SLFN12: variants seen among roughly 807,000 people sequenced by gnomAD.
The protein encoded by SLFN12 is ribonuclease SLFN12.
SLFN12 carries 25 observed loss-of-function variants against 29.1 expected under a neutral mutation model. The observed-to-expected ratio is 0.86, with a 90% CI of 0.63 to 1.20. The LOEUF (loss-of-function observed/expected upper bound fraction) is 1.20, where lower values mean the gene tolerates loss of function less well. SLFN12 is among the 50% of genes most tolerant of loss of function. The probability of loss-of-function intolerance (pLI) is 0.00; values close to 1 mark genes in which losing one functional copy is unlikely to be tolerated. For synonymous variants in SLFN12, 257 were observed against 238.7 expected (o/e 1.08, Z -0.71); for missense variants, 660 against 666.2 (o/e 0.99, Z 0.10).
At position 35,422,123 on chromosome 17, in the gene SLFN12, G is replaced by C. The variant is rs1911695452; in HGVS notation, c.906C>G (p.Val302=). ...AGAAGCGCTCCACTCTGAGTGCACA[G>C]ACATATCCACAAAGACTTCCTTTAT... The part of the protein sequence containing the change: ...VYDKGSLCGY[V]CALRVERFCC... The change falls in exon 2 of 4, where the codon GTC becomes GTG. Residue 302 remains valine (V), a synonymous_variant. Transcript: ENST00000304905. 1.2e-6 allele frequency: 2 copies of C among 1,613,974 alleles called. No homozygotes were observed. The highest frequency in any genetic ancestry group is 1.7e-6 in the Non-Finnish European group (2 of 1,180,020).
At position 35,413,626 on chromosome 17, in the gene SLFN12, G is replaced by A. The variant is rs561721569; in HGVS notation, c.1148-1699C>T. ...TAGCCAGAAATGGTGGCAGGCACCT[G>A]TAATCCCAGCTACTCGGGAGGCTGA... On this transcript the variant is annotated intron_variant, in intron 3 of 3. Coordinates refer to ENST00000304905, the MANE Select transcript of SLFN12 (RefSeq NM_018042.5). 3.0e-4 allele frequency among the ~76,000 whole-genome samples: 45 copies of A among 151,904 alleles called. 2 individuals carry two copies. In the South Asian group the frequency reaches 8.7e-3, roughly 29 times the overall value.
At chr17:35,412,190 T>C (rs1357990626) in intron 3 of SLFN12, among the ~76,000 whole-genome samples, 3 of 152,086 alleles carry the variant, frequency 2.0e-5, no homozygotes, top group Non-Finnish European at 4.4e-5. Context: ...TTCTATATCA[T>C]GGCATGGGTA....
At chr17:35,413,954 T>C (rs1325396255) in intron 3 of SLFN12, among the ~76,000 whole-genome samples, 1 of 151,910 alleles carries the variant, frequency 6.6e-6, no homozygotes, top group African/African-American at 2.4e-5. Context: ...AAAAAACCTC[T>C]TAACCAACTA....
At chr17:35,418,181 T>C (rs1359467280) in intron 3 of SLFN12, among the ~76,000 whole-genome samples, 1 of 151,464 alleles carries the variant, frequency 6.6e-6, no homozygotes, top group African/African-American at 2.4e-5. Context: ...GGGCTTACCC[T>C]ACCAGATATC....
In SLFN12 at chr17:35,424,667, A is replaced by G. The variant is rs570397411; in HGVS notation, c.-40-1599T>C. 3.3e-5 allele frequency among the ~76,000 whole-genome samples: 5 copies of G among 152,270 alleles called. No individual in the cohort carries two copies. The South Asian group carries it at 1.0e-3, about 32-fold the overall frequency. ...ACCAATATCATGCAGATACTCAGCT[A>G]AGGTTGTGGATACCACCTGTGTCCA... On this transcript the variant is annotated intron_variant, in intron 1 of 3. Coordinates refer to ENST00000304905, the MANE Select transcript of SLFN12 (RefSeq NM_018042.5).
chr17:35,426,958 A>G (rs1912053120), intron 1 of SLFN12, among the ~76,000 whole-genome samples: 1 of 152,064 alleles, frequency 6.6e-6, no homozygotes, highest in Non-Finnish European at 1.5e-5. Context: ...TCTCTTGCCT[A>G]AGACATCTGG....
intron 3 of SLFN12, among the ~76,000 whole-genome samples, chr17:35,413,642 G>A (rs1169610378): frequency 2.0e-5 from 3 of 151,648 alleles, no homozygotes; most frequent in East Asian, 3.9e-4. Context: ...CCAGCTACTC[G>A]GGAGGCTGAA....
intron 1 of SLFN12, chr17:35,430,436 C>G (rs1285099937): frequency 2.0e-5 from 3 of 152,052 alleles, no homozygotes; most frequent in Admixed American, 6.5e-5. Context: ...GAGAATGTAA[C>G]CAAAACGTAA....
At chr17:35,428,446 A>G (rs181383091) in intron 1 of SLFN12, among the ~76,000 whole-genome samples, 3 of 152,204 alleles carry the variant, frequency 2.0e-5, no homozygotes, top group Admixed American at 1.3e-4. Context: ...AGTGGGGATT[A>G]CAGAACTTTT....
chr17:35,427,823 T>C (rs190504016), intron 1 of SLFN12, among the ~76,000 whole-genome samples: 1 of 152,266 alleles, frequency 6.6e-6, no homozygotes, highest in East Asian at 1.9e-4. Flanking sequence ...ATTTCAATGT[T>C]TGGGTATGCT....
At chr17:35,420,573 C>T in intron 2 of SLFN12, 192 bp from the exon 3 acceptor site, 2 of 412,242 alleles carry the variant, frequency 4.9e-6, no homozygotes. Context: ...CACTGACACA[C>T]TATATTTCAA....
chr17:35,432,046 A>G (rs1912349134), intron 1 of SLFN12, 142 bp downstream of exon 1: 1 of 152,274 alleles, frequency 6.6e-6, no homozygotes, highest in Non-Finnish European at 1.5e-5. Context: ...CCCCGGCCAG[A>G]AACCTGCAGT....
At chr17:35,427,677 A>G (rs769351195) in intron 1 of SLFN12, among the ~76,000 whole-genome samples, 10 of 152,270 alleles carry the variant, frequency 6.6e-5, no homozygotes, top group Admixed American at 2.0e-4. Flanking sequence ...ATAATTAGCT[A>G]TTCTTTAAAA....
At chr17:35,415,368 A>G (rs1284569490) in intron 3 of SLFN12, among the ~76,000 whole-genome samples, 1 of 152,156 alleles carries the variant, frequency 6.6e-6, no homozygotes, top group Non-Finnish European at 1.5e-5. Context: ...CCAACCCAAC[A>G]GGAATCAAAG....
chr17:35,413,475 T>C (rs1414376770), intron 3 of SLFN12, among the ~76,000 whole-genome samples: 1 of 151,998 alleles, frequency 6.6e-6, no homozygotes, highest in Non-Finnish European at 1.5e-5. Context: ...CGGCCCAGTG[T>C]AGTGGCTCAC....
chr17:35,422,074 G>C lies in SLFN12; in HGVS notation c.955C>G (p.Pro319Ala). 7 of 1,614,060 alleles carry C rather than the reference G, an allele frequency of 4.3e-6. 1 individual carries two copies. The highest frequency in any genetic ancestry group is 5.9e-6 in the Non-Finnish European group (7 of 1,180,006). Residue 319 changes from proline to alanine, a missense_variant, in exon 2 of 4, where the codon CCT (proline) becomes GCT (alanine). Physicochemically the swap from Pro to Ala is conservative, Grantham distance 27. Coordinates refer to ENST00000304905, the MANE Select transcript of SLFN12 (RefSeq NM_018042.5). The stretch of plus-strand genomic sequence containing the variant: ...TTATCTTTCACATGCCAGGAATCAG[G>C]CTCTTTAGCAAACACTGCACAGCAG... ...RFCCAVFAKE[P>A]DSWHVKDNRV...
chr17:35,421,987 A>G lies in SLFN12; in HGVS notation c.1039+3T>C, dbSNP rs1911684458. ...TTCCTGTTGCGAATCCCCCGCTCTCAACTTGGTTCAGCCTCCACCATGAAC... is the reference window on the plus strand; with the variant it reads ...TTCCTGTTGCGAATCCCCCGCTCTCGACTTGGTTCAGCCTCCACCATGAAC... On this transcript the variant is annotated splice_donor_region_variant and intron_variant, in intron 2 of 3. Transcript: ENST00000304905. 6.2e-7 allele frequency: 1 copy of G among 1,610,954 alleles called. No homozygotes were observed. Among genetic ancestry groups the G allele is most frequent in the Non-Finnish European group, 8.5e-7 (1 of 1,177,778 alleles).
intron 3 of SLFN12, among the ~76,000 whole-genome samples, chr17:35,412,498 G>A (rs1296887495): frequency 6.6e-6 from 1 of 151,980 alleles, no homozygotes; most frequent in East Asian, 1.9e-4. Flanking sequence ...AAACACCAGC[G>A]ACATTACAGC....
intron 1 of SLFN12, among the ~76,000 whole-genome samples, chr17:35,425,914 T>C (rs1189540061): frequency 7.1e-6 from 1 of 141,002 alleles, no homozygotes; most frequent in Non-Finnish European, 1.5e-5. Flanking sequence ...TTTAAATTCC[T>C]ACCAATAGTG....
Sources: gnomAD v4.1 joint callset for allele counts (sites outside exome capture counted in the v4.1 genomes callset) on GRCh38, gnomAD v4.1.1 for gene constraint, MANE v1.5 for transcripts, NCBI Gene and HGNC (gene_info 2026-07-23, HGNC 2026-07-21) for gene names.